Variants in CNTN5 observed in about 807,000 individuals in gnomAD.
The protein encoded by CNTN5 is contactin 5, also known as contactin-5.
In CNTN5, 77 loss-of-function variants were observed where a neutral mutation model predicts 129.1. That is an observed-to-expected ratio of 0.60 (90% CI 0.50 to 0.72). The LOEUF (loss-of-function observed/expected upper bound fraction) is 0.72, where lower values mean the gene tolerates loss of function less well. CNTN5 is among the 30% of genes least tolerant of loss of function. The pLI, the probability that CNTN5 is intolerant of heterozygous loss-of-function variation, is 0.00. For synonymous variants in CNTN5, 509 were observed against 465.6 expected (o/e 1.09, Z -1.20); for missense variants, 1,478 against 1,328.8 (o/e 1.11, Z -1.75).
At position 100,154,157 on chromosome 11, in the gene CNTN5, C is replaced by G. The variant is rs556450630; in HGVS notation, c.1581-36969C>G. 9.2e-5 allele frequency among the ~76,000 whole-genome samples: 14 copies of G among 152,144 alleles called. No individual in the cohort carries two copies. In the South Asian group the frequency reaches 2.7e-3, roughly 29 times the overall value. On this transcript the variant is annotated intron_variant, in intron 13 of 24. Coordinates refer to ENST00000524871, the MANE Select transcript of CNTN5 (RefSeq NM_014361.4). ...TGTGTGATGTTCCCCACTTTGTGTC[C>G]ATGTGTTCTCATTGTTTACTGCCGC...
chr11:100,195,280 C>T (rs1473764954), intron 15 of CNTN5, among the ~76,000 whole-genome samples: 1 of 151,926 alleles, frequency 6.6e-6, no homozygotes, highest in Non-Finnish European at 1.5e-5. Flanking sequence ...TAAATAGCCC[C>T]TCTTCTTATA....
At chr11:99,033,220 C>G (rs1451811004) in intron 1 of CNTN5, among the ~76,000 whole-genome samples, 1 of 151,346 alleles carries the variant, frequency 6.6e-6, no homozygotes, top group African/African-American at 2.4e-5. Context: ...CAGCTTTGTT[C>G]TTTTGGCTTA....
intron 1 of CNTN5, among the ~76,000 whole-genome samples, chr11:99,122,387 A>G (rs1858386943): frequency 6.6e-6 from 1 of 152,142 alleles, no homozygotes; most frequent in African/African-American, 2.4e-5. Context: ...GAAAGCTTAA[A>G]AATATTAAAA....
rs1368999660 is a variant in CNTN5, at chr11:99,956,789, A to G, written c.674-17A>G. 1 of 1,608,414 alleles carries G rather than the reference A, an allele frequency of 6.2e-7. No individual in the cohort carries two copies. The highest frequency in any genetic ancestry group is 2.2e-5 in the East Asian group (1 of 44,836). ...AAAATCAAAGTCTTTCGTTGACCAA[A>G]TTTTGTGTATTTTCAGAGATCATCT... On this transcript the variant is annotated splice_polypyrimidine_tract_variant and intron_variant, in intron 7 of 24. Coordinates refer to ENST00000524871, the MANE Select transcript of CNTN5 (RefSeq NM_014361.4).
chr11:99,118,564 C>T lies in CNTN5; in HGVS notation c.-210+97294C>T, dbSNP rs1015781679. On this transcript the variant is annotated intron_variant, in intron 1 of 24. Transcript: ENST00000524871. ...TGTGCATACAGTGTCAACATTCATCCGAGAAGTATGGAAAATATATAGAAT... is the reference window on the plus strand; with the variant it reads ...TGTGCATACAGTGTCAACATTCATCTGAGAAGTATGGAAAATATATAGAAT... Among the ~76,000 whole-genome samples the T allele has an allele frequency of 8.2e-4, 124 of 150,872 alleles. 1 individual carries two copies. The highest frequency in any genetic ancestry group is 3.8e-4 in the Non-Finnish European group (26 of 67,712).
chr11:100,042,795 T>C (rs1012196223), intron 9 of CNTN5, among the ~76,000 whole-genome samples: 8 of 152,192 alleles, frequency 5.3e-5, no homozygotes, highest in Non-Finnish European at 1.0e-4. Flanking sequence ...TCTCCTGTTA[T>C]TAAGAGATAT....
chr11:99,968,661 T>C (rs1188444438), intron 8 of CNTN5, among the ~76,000 whole-genome samples: 13 of 110,456 alleles, frequency 1.2e-4, no homozygotes, highest in African/African-American at 5.1e-4. Flanking sequence ...GGGTACTTTT[T>C]TTTTTTTTTT....
intron 3 of CNTN5, among the ~76,000 whole-genome samples, chr11:99,807,068 A>C (rs1294459482): frequency 6.6e-6 from 1 of 152,144 alleles, no homozygotes; most frequent in African/African-American, 2.4e-5. Context: ...TTTAATGATG[A>C]AATATGTATA....
At chr11:99,817,558 T>C (rs1946628539) in intron 3 of CNTN5, among the ~76,000 whole-genome samples, 1 of 150,842 alleles carries the variant, frequency 6.6e-6, no homozygotes, top group Admixed American at 6.6e-5. Context: ...AACCACATTA[T>C]CATACTTCAC....
At chr11:100,269,714 T>C (rs755426514) in intron 17 of CNTN5, among the ~76,000 whole-genome samples, 44 of 152,066 alleles carry the variant, frequency 2.9e-4, no homozygotes, top group Admixed American at 6.6e-4. Context: ...GGGAGAGATA[T>C]GTGCTGGGCA....
At chr11:99,265,411 C>T (rs555052499) in intron 1 of CNTN5, among the ~76,000 whole-genome samples, 9 of 151,872 alleles carry the variant, frequency 5.9e-5, no homozygotes, top group African/African-American at 2.2e-4. Context: ...GAACTGTGGC[C>T]CTATTATTTG....
intron 3 of CNTN5, among the ~76,000 whole-genome samples, chr11:99,655,819 AG>A (rs1952336282): frequency 6.6e-6 from 1 of 152,048 alleles, no homozygotes; most frequent in Non-Finnish European, 1.5e-5. Flanking sequence ...ATAAAGAGGT[AG>A]GATGTAAAGA....
chr11:99,554,213 G>A (rs1160928435), intron 2 of CNTN5, among the ~76,000 whole-genome samples: 1 of 151,980 alleles, frequency 6.6e-6, no homozygotes, highest in African/African-American at 2.4e-5. Context: ...CCGGTCACAG[G>A]TTGTCCCTTT....
At chr11:99,023,383 A>G (rs190369010) in intron 1 of CNTN5, among the ~76,000 whole-genome samples, 3 of 152,290 alleles carry the variant, frequency 2.0e-5, no homozygotes, top group Non-Finnish European at 4.4e-5. Context: ...GACCACTTTC[A>G]GGGTAGAGGT....
chr11:99,521,184 A>G (rs1271102324), intron 2 of CNTN5, among the ~76,000 whole-genome samples: 1 of 151,960 alleles, frequency 6.6e-6, no homozygotes, highest in Non-Finnish European at 1.5e-5. Flanking sequence ...CAACTATATT[A>G]GTTAAATTTA....
At chr11:100,026,554 T>C (rs1052634806) in intron 9 of CNTN5, among the ~76,000 whole-genome samples, 1 of 152,224 alleles carries the variant, frequency 6.6e-6, no homozygotes, top group Non-Finnish European at 1.5e-5. Flanking sequence ...TTTGGTGTTG[T>C]CCATGTTCTG....
intron 2 of CNTN5, among the ~76,000 whole-genome samples, chr11:99,459,521 A>G (rs973790940): frequency 6.6e-6 from 1 of 152,032 alleles, no homozygotes. Flanking sequence ...TATATCTTTA[A>G]CTGAGACTAG....
intron 3 of CNTN5, among the ~76,000 whole-genome samples, chr11:99,747,094 T>A (rs1002418764): frequency 6.6e-6 from 1 of 152,212 alleles, no homozygotes; most frequent in Non-Finnish European, 1.5e-5. Context: ...TTTCAATTTC[T>A]TTCATCAATG....
intron 2 of CNTN5, among the ~76,000 whole-genome samples, chr11:99,337,087 A>G (rs978849121): frequency 1.3e-5 from 2 of 152,166 alleles, no homozygotes; most frequent in African/African-American, 2.4e-5. Context: ...ATTTTTCTCT[A>G]TATCTTGTCA....
Sources: allele counts gnomAD v4.1 joint callset (sites outside exome capture counted in the v4.1 genomes callset), GRCh38; gene constraint gnomAD v4.1.1; transcripts MANE v1.5; gene names NCBI Gene and HGNC (gene_info 2026-07-23, HGNC 2026-07-21).